EYA3: variants seen among roughly 807,000 people sequenced by gnomAD.
EYA3 encodes the protein EYA transcriptional coactivator and phosphatase 3.
Under a neutral mutation model 80.0 loss-of-function variants are expected in EYA3, and 39 were observed. The observed-to-expected ratio is 0.49, with a 90% confidence interval of 0.38 to 0.64. The LOEUF (loss-of-function observed/expected upper bound fraction) is 0.64. Ranked by LOEUF, EYA3 falls within the 30% of genes least tolerant of loss-of-function variation. EYA3 has a pLI of 0.00. For missense variants in EYA3, 523 were observed against 676.1 expected (o/e 0.77, Z 2.51); for synonymous variants, 206 against 232.8 (o/e 0.88, Z 1.05).
intron 15 of EYA3, among the ~76,000 whole-genome samples, chr1:27,989,210 G>GT (rs1342891645): frequency 2.0e-5 from 3 of 152,210 alleles, no homozygotes; most frequent in Admixed American, 2.0e-4. Context: ...GCGGGAGGGA[G>GT]TAATAGGGTA....
rs943116808 is a variant in EYA3, at chr1:27,999,957, T to C, written c.1083+3A>G. 6.3e-7 allele frequency: 1 copy of C among 1,587,562 alleles called. No homozygotes were observed. Among genetic ancestry groups the C allele is most frequent in the Non-Finnish European group, 8.6e-7 (1 of 1,164,778 alleles). ...AAGCACAGAAACAATTTAAAATGCT[T>C]ACCTCTAAGTCATTGAAAAATAGAT... On this transcript the variant is annotated splice_donor_region_variant and intron_variant, in intron 12 of 17. Coordinates refer to ENST00000373871, the MANE Select transcript of EYA3 (RefSeq NM_001990.4).
chr1:28,061,753 C>A (rs1644636503), intron 1 of EYA3, among the ~76,000 whole-genome samples: 1 of 152,180 alleles, frequency 6.6e-6, no homozygotes, highest in Non-Finnish European at 1.5e-5. Context: ...GCGCCCGCCA[C>A]CACGCCCGGC....
At chr1:28,018,898 G>T (rs1249208722) in intron 7 of EYA3, among the ~76,000 whole-genome samples, 2 of 152,164 alleles carry the variant, frequency 1.3e-5, no homozygotes, top group African/African-American at 4.8e-5. Flanking sequence ...GTGCGTGGTG[G>T]CTCACGCCTG....
chr1:28,000,444 C>A (rs1162639145), intron 11 of EYA3, among the ~76,000 whole-genome samples: 1 of 152,016 alleles, frequency 6.6e-6, no homozygotes, highest in Admixed American at 6.5e-5. Flanking sequence ...TCCCGAGTAG[C>A]TGGGACTACA....
At chr1:28,008,836 C>T (rs1377741462) in intron 10 of EYA3, among the ~76,000 whole-genome samples, 1 of 152,096 alleles carries the variant, frequency 6.6e-6, no homozygotes, top group Non-Finnish European at 1.5e-5. Flanking sequence ...CCCAGCTACT[C>T]AGGAGGCTGA....
intron 1 of EYA3, among the ~76,000 whole-genome samples, chr1:28,064,476 A>G (rs1644761068): frequency 6.6e-6 from 1 of 151,546 alleles, no homozygotes; most frequent in African/African-American, 2.4e-5. Flanking sequence ...CAATACCTAC[A>G]AATTTCTTAA....
chr1:28,037,312 C>G (rs1213889663), intron 5 of EYA3, among the ~76,000 whole-genome samples: 2 of 152,202 alleles, frequency 1.3e-5, no homozygotes, highest in Non-Finnish European at 2.9e-5. Flanking sequence ...ATAAGGAATT[C>G]TGAATGTAGC....
rs541889410 is a variant in EYA3 at position 28,063,294 on chromosome 1, T to C, written c.-68-5200A>G. 2.0e-3 allele frequency among the ~76,000 whole-genome samples: 236 copies of C among 119,848 alleles called. 1 individual carries two copies. Among genetic ancestry groups the C allele is most frequent in the African/African-American group, 6.9e-3 (219 of 31,536 alleles). The allele number at this position is 119,848 out of a possible 152,430, so 78.6% of individuals were successfully genotyped here. A position where few individuals can be genotyped will look rare whatever the true frequency, so the allele number is the denominator to read the frequency against. On this transcript the variant is annotated intron_variant, in intron 1 of 17. Transcript: ENST00000373871. ...TTACTACACTTTCCAAAGTGCCTTA[T>C]ATATATATATATTTTTTTTTATTTT... is the stretch of plus-strand genomic sequence containing the variant.
chr1:27,993,625 T>C, intron 13 of EYA3, 65 bp from the exon 14 acceptor site: 1 of 1,401,810 alleles, frequency 7.1e-7, no homozygotes, highest in Non-Finnish European at 9.4e-7. Context: ...TTGAGTGCTA[T>C]TTGGTTGGGT....
intron 1 of EYA3, among the ~76,000 whole-genome samples, chr1:28,083,019 C>G (rs1166531062): frequency 1.3e-5 from 2 of 152,116 alleles, no homozygotes; most frequent in African/African-American, 4.8e-5. Flanking sequence ...AAGCAGTATT[C>G]TTTTGTGTTT....
At chr1:27,995,170 C>T (rs778347117) in intron 13 of EYA3, among the ~76,000 whole-genome samples, 43 of 149,098 alleles carry the variant, frequency 2.9e-4, no homozygotes, top group Non-Finnish European at 6.0e-4. Flanking sequence ...TTTGGGAGGC[C>T]AATGAGGGGG....
rs758458280 is a variant in EYA3, at chr1:27,993,542, T to G, written c.1161A>C (p.Thr387=). 5.3e-5 allele frequency: 84 copies of G among 1,598,744 alleles called. No homozygotes were observed. The highest frequency in any genetic ancestry group is 6.5e-5 in the Non-Finnish European group (76 of 1,175,776). ...TACCTCCTGAGCCACTGAAACCATC[T>G]GTTGAGAAACTGTAGTTGCTGCAAG... The part of the protein sequence containing the change: ...GQDLSNYSFS[T]DGFSGSGGSG... Residue 387 remains threonine, a synonymous_variant, in exon 14 of 18, where the codon ACA becomes ACC. Coordinates refer to ENST00000373871, the MANE Select transcript of EYA3 (RefSeq NM_001990.4).
chr1:28,054,080 GT>G (rs1273281124), intron 2 of EYA3, among the ~76,000 whole-genome samples: 1 of 152,162 alleles, frequency 6.6e-6, no homozygotes, highest in Non-Finnish European at 1.5e-5. Context: ...ACACTGTTCT[GT>G]TTACTAAAAA....
chr1:28,000,753 AC>A (rs891192187), intron 11 of EYA3, among the ~76,000 whole-genome samples: 2 of 151,978 alleles, frequency 1.3e-5, no homozygotes, highest in African/African-American at 4.8e-5. Flanking sequence ...ACAAAGCAAG[AC>A]CCCCGTCTCC....
At position 28,058,002 on chromosome 1, in the gene EYA3, C is replaced by T. The variant is rs755261774; in HGVS notation, c.25G>A (p.Glu9Lys). Residue 9 changes from glutamate to lysine, a missense_variant, in exon 2 of 18, where the codon GAG becomes AAG. Glu to Lys is a moderately conservative substitution (Grantham distance 56, BLOSUM62 1). Around this residue, in one of 2 missense-constraint regions of EYA3, gnomAD observed 304 missense variants for 343.3 expected, o/e 0.89. Coordinates refer to ENST00000373871, the MANE Select transcript of EYA3 (RefSeq NM_001990.4). Reference sequence around the variant, plus strand: ...TTAAAGGAAATACTTACTGGTTGCTCTGGTAAATCTTGCTCTTCTTCCATG... The same window carrying T: ...TTAAAGGAAATACTTACTGGTTGCTTTGGTAAATCTTGCTCTTCTTCCATG... MEEEQDLP[E>K]QPVKKAKMQE... is the part of the protein sequence containing the mutation. The T allele has an allele frequency of 6.3e-7, 1 of 1,585,840 alleles. No individual in the cohort carries two copies. The highest frequency in any genetic ancestry group is 1.1e-5 in the South Asian group (1 of 87,554).
At chr1:28,019,002 C>T (rs1481299242) in intron 7 of EYA3, among the ~76,000 whole-genome samples, 1 of 152,054 alleles carries the variant, frequency 6.6e-6, no homozygotes, top group Non-Finnish European at 1.5e-5. Flanking sequence ...CCCATCTCCA[C>T]TAAAAATACA....
At chr1:28,030,152 T>C (rs1177896729) in intron 6 of EYA3, among the ~76,000 whole-genome samples, 1 of 152,156 alleles carries the variant, frequency 6.6e-6, no homozygotes, top group Non-Finnish European at 1.5e-5. Flanking sequence ...TACAATACTT[T>C]GAGAATGAGA....
intron 7 of EYA3, among the ~76,000 whole-genome samples, chr1:28,022,870 C>CT (rs1377009162): frequency 6.6e-5 from 10 of 152,126 alleles, no homozygotes; most frequent in African/African-American, 2.4e-4. Flanking sequence ...GCACGCACCA[C>CT]TGCACTTGGC....
At chr1:28,049,031 C>T (rs1376988124) in intron 2 of EYA3, among the ~76,000 whole-genome samples, 1 of 152,076 alleles carries the variant, frequency 6.6e-6, no homozygotes, top group Non-Finnish European at 1.5e-5. Context: ...TTTCATATTA[C>T]AGAGAATCTG....
Sources: allele counts gnomAD v4.1 joint callset (sites outside exome capture counted in the v4.1 genomes callset), GRCh38; gene constraint gnomAD v4.1.1; regional missense constraint gnomAD v4.1.1; transcripts MANE v1.5; gene names NCBI Gene and HGNC (gene_info 2026-07-23, HGNC 2026-07-21).